The following GRIP1 variants were observed in gnomAD, a reference collection of about 807,000 sequenced individuals.
The protein encoded by GRIP1 is glutamate receptor interacting protein 1.
GRIP1 carries 45 observed loss-of-function variants against 129.9 expected under a neutral mutation model. The ratio of observed to expected loss-of-function variants is 0.35; its 90% CI spans 0.27 to 0.44. The LOEUF (loss-of-function observed/expected upper bound fraction) is 0.44. Ranked by LOEUF, GRIP1 falls within the 20% of genes least tolerant of loss-of-function variation. The pLI, the probability that GRIP1 is intolerant of heterozygous loss-of-function variation, is 1.00. For missense variants in GRIP1, 1,196 were observed against 1,396.8 expected (o/e 0.86, Z 2.29); for synonymous variants, 530 against 520.8 (o/e 1.02, Z -0.24).
intron 19 of GRIP1, among the ~76,000 whole-genome samples, chr12:66,385,029 G>C (rs1161780893): frequency 6.6e-6 from 1 of 152,176 alleles, no homozygotes; most frequent in Non-Finnish European, 1.5e-5. Context: ...CTTTACACCA[G>C]GAGTCAAGCT....
chr12:66,419,753 C>T (rs188229998), intron 15 of GRIP1, among the ~76,000 whole-genome samples: 1 of 152,336 alleles, frequency 6.6e-6, no homozygotes, highest in Admixed American at 6.5e-5. Flanking sequence ...GGAGCCTGCA[C>T]ATATATCACC....
chr12:66,488,149 T>C (rs1386704884), intron 7 of GRIP1, among the ~76,000 whole-genome samples: 1 of 152,192 alleles, frequency 6.6e-6, no homozygotes. Flanking sequence ...TCTACAGAAC[T>C]CTTCACACAA....
chr12:66,817,917 C>T (rs1440627261), intron 1 of GRIP1, among the ~76,000 whole-genome samples: 1 of 152,070 alleles, frequency 6.6e-6, no homozygotes. Context: ...ATTCTACATT[C>T]GATCTGTTGC....
chr12:66,512,522 T>C (rs957469069), intron 7 of GRIP1, among the ~76,000 whole-genome samples: 7 of 151,040 alleles, frequency 4.6e-5, no homozygotes, highest in African/African-American at 1.7e-4. Flanking sequence ...TGGAAGTCCA[T>C]AAATAACTTT....
chr12:66,738,450 T>C (rs1439211579), intron 1 of GRIP1, among the ~76,000 whole-genome samples: 1 of 152,060 alleles, frequency 6.6e-6, no homozygotes, highest in Non-Finnish European at 1.5e-5. Context: ...CTCGATCTCC[T>C]GACCTTGTGA....
intron 5 of GRIP1, among the ~76,000 whole-genome samples, chr12:66,527,921 C>A (rs1042786330): frequency 6.6e-6 from 1 of 151,834 alleles, no homozygotes; most frequent in African/African-American, 2.4e-5. Context: ...CCATGACATG[C>A]AATTCCCCCA....
In GRIP1 at chr12:66,840,474, A is replaced by C. The variant is rs78260140; in HGVS notation, c.58+228576T>G. Among the ~76,000 whole-genome samples, 259 of 152,336 alleles carry C rather than the reference A, an allele frequency of 1.7e-3. 5 individuals carry two copies. In the East Asian group the frequency reaches 0.034, roughly 20 times the overall value. ...AGAAATATTTGTCCTAGACAAGAGC[A>C]GGGAAGGAACAAGATCATTAGACAA... On this transcript the variant is annotated intron_variant, in intron 1 of 1. Coordinates refer to the GRIP1 transcript ENST00000643019.
At chr12:66,443,084 G>A (rs907491414) in intron 13 of GRIP1, among the ~76,000 whole-genome samples, 2 of 152,168 alleles carry the variant, frequency 1.3e-5, no homozygotes, top group Non-Finnish European at 2.9e-5. Context: ...TTCATTGTGT[G>A]AAGACAATTT....
At chr12:66,825,545 A>G (rs928643827) in intron 1 of GRIP1, among the ~76,000 whole-genome samples, 19 of 152,170 alleles carry the variant, frequency 1.2e-4, no homozygotes, top group African/African-American at 4.3e-4. Context: ...CTGAGACTTC[A>G]GGCAAGGCAC....
At chr12:66,472,789 T>C (rs529840361) in intron 7 of GRIP1, among the ~76,000 whole-genome samples, 1 of 152,306 alleles carries the variant, frequency 6.6e-6, no homozygotes, top group Non-Finnish European at 1.5e-5. Flanking sequence ...TGGTGCACAC[T>C]AGCCCAGATA....
intron 1 of GRIP1, among the ~76,000 whole-genome samples, chr12:66,798,630 C>A (rs771617619): frequency 6.6e-6 from 1 of 152,120 alleles, no homozygotes; most frequent in Admixed American, 6.6e-5. Flanking sequence ...CGAAGTCCCT[C>A]CTAACTCTAA....
intron 1 of GRIP1, among the ~76,000 whole-genome samples, chr12:66,872,231 G>C (rs923985510): frequency 2.0e-5 from 3 of 151,998 alleles, no homozygotes; most frequent in Non-Finnish European, 4.4e-5. Context: ...GCTTTAGGGG[G>C]AGTCCTAACT....
At position 66,352,720 on chromosome 12, in the gene GRIP1, CAA is replaced by C. The variant is rs1164207741; in HGVS notation, c.3159+695_3159+696del. ...TGCACTCCAGCCTGAGACTCTGTCT[CAA>C]AAAAAAAAAAAAAAGGAAAAAAGAT... On this transcript the variant is annotated intron_variant, in intron 24 of 24. Coordinates refer to ENST00000359742, the MANE Select transcript of GRIP1 (RefSeq NM_001366722.1). Among the ~76,000 whole-genome samples, 266 of 63,660 alleles carry C rather than the reference CAA, an allele frequency of 4.2e-3. 1 individual carries two copies. Among genetic ancestry groups the C allele is most frequent in the African/African-American group, 0.01 (207 of 20,162 alleles). 41.8% of individuals were successfully genotyped at this position (63,660 alleles called of 152,430 possible).
chr12:66,904,054 G>A (rs1211700903), intron 1 of GRIP1, among the ~76,000 whole-genome samples: 1 of 152,206 alleles, frequency 6.6e-6, no homozygotes, highest in African/African-American at 2.4e-5. Context: ...AATTTTATGT[G>A]TGCTATAAGA....
At chr12:67,069,255 C>G (rs1175603417), upstream of GRIP1, 2 of 271,388 alleles carry the variant, frequency 7.4e-6, no homozygotes, top group African/African-American at 4.6e-5. Flanking sequence ...CTCCCGGGCA[C>G]ATTGAAGCGG....
At chr12:67,030,077 G>A (rs1400347840) in intron 1 of GRIP1, among the ~76,000 whole-genome samples, 3 of 150,638 alleles carry the variant, frequency 2.0e-5, no homozygotes, top group Non-Finnish European at 3.0e-5. Context: ...CAGGTGTGGT[G>A]GCAGGCGCCT....
rs372638476 is a variant in GRIP1, at chr12:66,866,699, G to A, written c.58+202351C>T. On this transcript the variant is annotated intron_variant, in intron 1 of 1. Transcript: ENST00000643019. ...TCCATGTGATTATTATGCATTGCAT[G>A]CCTGTATCAAAACATCTCATGTACC... Among the ~76,000 whole-genome samples, 8 of 152,252 alleles carry A rather than the reference G, an allele frequency of 5.3e-5. No individual in the cohort carries two copies. In the East Asian group the frequency reaches 9.7e-4, roughly 18 times the overall value.
chr12:66,865,054 G>T (rs901997068), intron 1 of GRIP1, among the ~76,000 whole-genome samples: 1 of 152,094 alleles, frequency 6.6e-6, no homozygotes, highest in South Asian at 2.1e-4. Flanking sequence ...TAGAAGTAAC[G>T]ATCTGCTGTG....
At chr12:66,793,497 C>A (rs1815859327) in intron 1 of GRIP1, among the ~76,000 whole-genome samples, 2 of 152,156 alleles carry the variant, frequency 1.3e-5, no homozygotes, top group Non-Finnish European at 2.9e-5. Context: ...AAGGTAAATT[C>A]TCCTATTCAA....
Sources: gnomAD v4.1 joint callset for allele counts (sites outside exome capture counted in the v4.1 genomes callset) on GRCh38, gnomAD v4.1.1 for gene constraint, MANE v1.5 for transcripts, NCBI Gene and HGNC (gene_info 2026-07-23, HGNC 2026-07-21) for gene names.